The following EDIL3 variants were observed in gnomAD, a reference collection of about 807,000 sequenced individuals.
EDIL3 encodes EGF like and discoidin domains 3.
Under a neutral mutation model 67.4 loss-of-function variants are expected in EDIL3, and 37 were observed. The observed-to-expected ratio is 0.55, with a 90% confidence interval of 0.42 to 0.72. The LOEUF (loss-of-function observed/expected upper bound fraction) is 0.72. EDIL3 is among the 30% of genes least tolerant of loss of function. EDIL3 has a pLI of 0.00. For missense variants in EDIL3, 527 were observed against 586.3 expected (o/e 0.90, Z 1.04); for synonymous variants, 195 against 196.3 (o/e 0.99, Z 0.05).
chr5:84,136,392 A>G (rs2112314907), intron 5 of EDIL3, among the ~76,000 whole-genome samples: 1 of 152,300 alleles, frequency 6.6e-6, no homozygotes. Context: ...AGGCTATAGC[A>G]CTAGTATTAC....
At chr5:84,256,141 T>TATC (rs1745119711) in intron 1 of EDIL3, among the ~76,000 whole-genome samples, 1 of 99,250 alleles carries the variant, frequency 1.0e-5, no homozygotes, top group Non-Finnish European at 2.1e-5. Flanking sequence ...TCTATCTATC[T>TATC]ATCTATCATC....
intron 4 of EDIL3, among the ~76,000 whole-genome samples, chr5:84,179,758 C>T (rs1185056139): frequency 6.6e-6 from 1 of 152,144 alleles, no homozygotes; most frequent in African/African-American, 2.4e-5. Context: ...GGCCCCTCTG[C>T]TTGCTGAACA....
intron 6 of EDIL3, among the ~76,000 whole-genome samples, chr5:84,068,794 G>A (rs1309154907): frequency 6.6e-6 from 1 of 152,080 alleles, no homozygotes; most frequent in Non-Finnish European, 1.5e-5. Context: ...GCACTATTAA[G>A]CTTGGAAAAT....
chr5:84,018,255 C>G (rs531171448), intron 9 of EDIL3, among the ~76,000 whole-genome samples: 1 of 152,272 alleles, frequency 6.6e-6, no homozygotes, highest in South Asian at 2.1e-4. Flanking sequence ...TCTCTTACAT[C>G]TGATACTTCT....
intron 5 of EDIL3, among the ~76,000 whole-genome samples, chr5:84,119,307 C>T (rs1420607428): frequency 1.6e-5 from 2 of 122,550 alleles, no homozygotes; most frequent in Admixed American, 1.1e-4. Flanking sequence ...TAATAAAAAA[C>T]GTGAATACAT....
Position 83,957,571 on chromosome 5 carries a change from C to G in EDIL3, c.1293+5634G>C, listed in dbSNP as rs557667927. Among the ~76,000 whole-genome samples, 169 of 151,764 alleles carry G rather than the reference C, an allele frequency of 1.1e-3. 1 individual carries two copies. The highest frequency in any genetic ancestry group is 4.0e-3 in the African/African-American group (164 of 41,476). ...ATATATCCTTCAATGCAGACCATGG[C>G]TGGCAGCTTTATTAATGGGGACTGA... is the stretch of plus-strand genomic sequence containing the variant. On this transcript the variant is annotated intron_variant, in intron 10 of 10. Transcript: ENST00000296591.
intron 9 of EDIL3, among the ~76,000 whole-genome samples, chr5:84,035,269 A>G (rs1031995748): frequency 6.6e-6 from 1 of 152,146 alleles, no homozygotes; most frequent in African/African-American, 2.4e-5. Flanking sequence ...AAATCTTAGC[A>G]AAGATCCTGC....
chr5:83,973,315 A>G (rs769180178), intron 9 of EDIL3, among the ~76,000 whole-genome samples: 1 of 152,110 alleles, frequency 6.6e-6, no homozygotes, highest in African/African-American at 2.4e-5. Context: ...CAAAGAGCAT[A>G]ATGATATCCA....
chr5:84,201,322 C>T (rs1743826608), intron 3 of EDIL3, among the ~76,000 whole-genome samples: 1 of 151,938 alleles, frequency 6.6e-6, no homozygotes, highest in Admixed American at 6.6e-5. Context: ...AGTAGGATGC[C>T]TCTAGTTTAG....
At chr5:84,062,080 T>C (rs1477997178) in intron 8 of EDIL3, among the ~76,000 whole-genome samples, 1 of 152,072 alleles carries the variant, frequency 6.6e-6, no homozygotes, top group Admixed American at 6.6e-5. Flanking sequence ...GAGGGCTGTG[T>C]GTCTTAACAC....
intron 4 of EDIL3, among the ~76,000 whole-genome samples, chr5:84,157,807 T>C (rs1269434471): frequency 1.3e-5 from 2 of 152,026 alleles, no homozygotes; most frequent in East Asian, 1.9e-4. Flanking sequence ...CTTGTAGAGA[T>C]GTAGTATGAA....
chr5:84,295,546 T>TA (rs1231469791), intron 1 of EDIL3, among the ~76,000 whole-genome samples: 5 of 152,090 alleles, frequency 3.3e-5, no homozygotes, highest in Admixed American at 3.3e-4. Context: ...CAGGCAAACT[T>TA]ACTGACTTTT....
At chr5:84,097,786 A>C (rs1747290819) in intron 6 of EDIL3, among the ~76,000 whole-genome samples, 2 of 152,102 alleles carry the variant, frequency 1.3e-5, no homozygotes, top group African/African-American at 4.8e-5. Context: ...AAATAAAATT[A>C]ATATTTTACT....
intron 9 of EDIL3, among the ~76,000 whole-genome samples, chr5:84,054,804 A>G (rs1019334712): frequency 3.3e-5 from 5 of 150,644 alleles, no homozygotes; most frequent in African/African-American, 1.2e-4. Flanking sequence ...TCAATGAAAT[A>G]AAAGAGGACA....
intron 1 of EDIL3, among the ~76,000 whole-genome samples, chr5:84,345,864 G>C (rs551411495): frequency 4.6e-5 from 7 of 152,064 alleles, no homozygotes; most frequent in African/African-American, 1.7e-4. Context: ...TCTAAAAATA[G>C]GTACAGATTG....
chr5:84,040,381 G>A (rs1746098391), intron 9 of EDIL3, among the ~76,000 whole-genome samples: 2 of 151,902 alleles, frequency 1.3e-5, no homozygotes, highest in Admixed American at 1.3e-4. Flanking sequence ...TGGTACTTCA[G>A]AAATTGGTAA....
chr5:83,966,880 T>C (rs1381431997), intron 9 of EDIL3, among the ~76,000 whole-genome samples: 1 of 152,124 alleles, frequency 6.6e-6, no homozygotes, highest in Admixed American at 6.6e-5. Context: ...AATGGGTGAC[T>C]AGCTTGTTCT....
At chr5:84,209,313 C>CAT (rs1387017805) in intron 3 of EDIL3, among the ~76,000 whole-genome samples, 1 of 151,942 alleles carries the variant, frequency 6.6e-6, no homozygotes, top group African/African-American at 2.4e-5. Context: ...CAGCATGGCA[C>CAT]ATGTATACAT....
intron 3 of EDIL3, among the ~76,000 whole-genome samples, chr5:84,216,203 A>G (rs902781022): frequency 7.2e-5 from 11 of 152,190 alleles, no homozygotes; most frequent in African/African-American, 2.7e-4. Flanking sequence ...GAGGAGCTAG[A>G]TTAAGGAAGA....
Sources: gnomAD v4.1 joint callset for allele counts (sites outside exome capture counted in the v4.1 genomes callset) on GRCh38, gnomAD v4.1.1 for gene constraint, MANE v1.5 for transcripts, NCBI Gene and HGNC (gene_info 2026-07-23, HGNC 2026-07-21) for gene names.